TOGARAM2: variants seen among roughly 807,000 people sequenced by gnomAD.
The protein encoded by TOGARAM2 is TOG array regulator of axonemal microtubules 2, also known as TOG array regulator of axonemal microtubules protein 2.
Under a neutral mutation model 93.3 loss-of-function variants are expected in TOGARAM2, and 85 were observed. That is an observed-to-expected ratio of 0.91 (90% CI 0.76 to 1.09). The LOEUF (loss-of-function observed/expected upper bound fraction) is 1.09. Among genes scored for constraint, TOGARAM2 ranks in the 50% least tolerant of loss-of-function variants. The pLI, the probability that TOGARAM2 is intolerant of heterozygous loss-of-function variation, is 0.00. For synonymous variants in TOGARAM2, 593 were observed against 552.8 expected (o/e 1.07, Z -1.02); for missense variants, 1,277 against 1,334.5 (o/e 0.96, Z 0.67).
chr2:28,968,643 T>C (rs1339385041), intron 1 of TOGARAM2, among the ~76,000 whole-genome samples: 1 of 151,704 alleles, frequency 6.6e-6, no homozygotes, highest in African/African-American at 2.4e-5. Context: ...TCCGTCTCTA[T>C]TGAAAATACA....
chr2:28,972,498 A>T (rs1207995088), intron 1 of TOGARAM2: 1 of 152,258 alleles, frequency 6.6e-6, no homozygotes, highest in Non-Finnish European at 1.5e-5. Context: ...TAATGGAGAT[A>T]ACTCATCACC....
chr2:29,048,270 C>G (rs1024449820), intron 19 of TOGARAM2: 1 of 152,038 alleles, frequency 6.6e-6, no homozygotes, highest in African/African-American at 2.4e-5. Flanking sequence ...TCCCATGACA[C>G]GTAGGAATTG....
rs371387506 is a variant in TOGARAM2 at position 28,994,452 on chromosome 2, C to T, written c.-110-273C>T. On this transcript the variant is annotated intron_variant, in intron 1 of 19. Coordinates refer to ENST00000379558, the MANE Select transcript of TOGARAM2 (RefSeq NM_199280.4). ...CCTTGAAAAAAATCATCTTTCCCCG[C>T]GACCCTAAAGGTGTCCATGTCTCAG... Among the ~76,000 whole-genome samples the T allele has an allele frequency of 2.0e-4, 30 of 152,274 alleles. No homozygotes were observed. The East Asian group carries it at 2.3e-3, about 12-fold the overall frequency.
rs1398620191 is a variant in TOGARAM2, at chr2:29,014,526, C to T, written c.1009C>T (p.Leu337=). Residue 337 remains leucine (L), a synonymous_variant, in exon 8 of 20, where the codon CTG becomes TTG. Transcript: ENST00000379558. The part of the protein sequence containing the change: ...FDCAREACPP[L]KEEDQKEIGT... ...CTGTGCCAGAGAAGCCTGCCCTCCGCTGAAAGAAGAGGACCAGAAGGAGAT... is the reference window on the plus strand; with the variant it reads ...CTGTGCCAGAGAAGCCTGCCCTCCGTTGAAAGAAGAGGACCAGAAGGAGAT... The T allele has an allele frequency of 1.3e-6, 2 of 1,572,774 alleles. No individual in the cohort carries two copies. The highest frequency in any genetic ancestry group is 2.3e-5 in the East Asian group (1 of 42,638).
At chr2:28,993,874 G>A (rs903924062) in intron 1 of TOGARAM2, among the ~76,000 whole-genome samples, 10 of 152,250 alleles carry the variant, frequency 6.6e-5, no homozygotes, top group Non-Finnish European at 1.0e-4. Context: ...AAGGGAGTTG[G>A]CACAGGTTCC....
At position 28,959,675 on chromosome 2, in the gene TOGARAM2, G is replaced by A. The variant is rs1481656124; in HGVS notation, c.-147+2978G>A. ...GGCTGAGGCAGTGAACCTGGGAGGC[G>A]GAGCTTGCAGTGAGCTGAGATCGTG... On this transcript the variant is annotated intron_variant, in intron 1 of 6. Coordinates refer to the TOGARAM2 transcript ENST00000401723. Among the ~76,000 whole-genome samples, 16 of 152,176 alleles carry A rather than the reference G, an allele frequency of 1.1e-4. 3 individuals are homozygous for A. In the East Asian group the frequency reaches 1.2e-3, roughly 11 times the overall value.
In TOGARAM2 at chr2:29,033,557, A is replaced by G; in HGVS notation, c.2219A>G (p.Lys740Arg). ...GTGTGTGAGAACGGGCTGCCCATCA[A>G]GGAGGGGTATGGCTGCTCCTGTATC... is the stretch of plus-strand genomic sequence containing the variant. ...LVVCENGLPI[K>R]EGLSCNGPRL... Residue 740 changes from lysine to arginine, a missense_variant, in exon 16 of 20, where the codon AAG (lysine) becomes AGG (arginine). Lys to Arg is a conservative substitution (Grantham distance 26, BLOSUM62 2). Transcript: ENST00000379558. 6.2e-7 allele frequency: 1 copy of G among 1,613,204 alleles called. No individual in the cohort carries two copies. Among genetic ancestry groups the G allele is most frequent in the Non-Finnish European group, 8.5e-7 (1 of 1,179,642 alleles).
chr2:28,980,594 G>A (rs1225943310), upstream of TOGARAM2, among the ~76,000 whole-genome samples: 1 of 152,226 alleles, frequency 6.6e-6, no homozygotes, highest in East Asian at 1.9e-4. Context: ...TGTCATTCCA[G>A]AGAGAGGATG....
intron 6 of TOGARAM2, among the ~76,000 whole-genome samples, chr2:29,008,754 G>C (rs1664037381): frequency 6.6e-6 from 1 of 152,190 alleles, no homozygotes; most frequent in Non-Finnish European, 1.5e-5. Flanking sequence ...ACCGCACCTG[G>C]CCAGCCTATT....
At chr2:28,961,186 T>A (rs535324351) in intron 1 of TOGARAM2, among the ~76,000 whole-genome samples, 7 of 152,098 alleles carry the variant, frequency 4.6e-5, no homozygotes, top group African/African-American at 1.4e-4. Flanking sequence ...CATCACCAGC[T>A]AGAAGCTCCG....
intron 1 of TOGARAM2, among the ~76,000 whole-genome samples, chr2:28,972,003 A>G (rs1050920546): frequency 6.6e-6 from 1 of 152,214 alleles, no homozygotes; most frequent in African/African-American, 2.4e-5. Context: ...TCTATCCCTT[A>G]TTGGAACGTC....
intron 1 of TOGARAM2, chr2:28,970,813 C>T (rs1671939187): frequency 6.6e-6 from 1 of 152,220 alleles, no homozygotes; most frequent in Non-Finnish European, 1.5e-5. Flanking sequence ...CATTTGGCTA[C>T]TGACAGATAC....
At chr2:28,978,981 A>G (rs1672074608), upstream of TOGARAM2, among the ~76,000 whole-genome samples, 1 of 152,224 alleles carries the variant, frequency 6.6e-6, no homozygotes, top group Non-Finnish European at 1.5e-5. Context: ...AAAATTAAGT[A>G]TGAAAATATT....
intron 1 of TOGARAM2, among the ~76,000 whole-genome samples, chr2:28,957,792 G>C (rs1211725603): frequency 2.0e-5 from 3 of 152,168 alleles, no homozygotes; most frequent in African/African-American, 4.8e-5. Flanking sequence ...GGGTCTACAA[G>C]GGTGGGGAGG....
intron 1 of TOGARAM2, among the ~76,000 whole-genome samples, chr2:28,989,249 C>T (rs1364675262): frequency 4.6e-5 from 7 of 152,042 alleles, no homozygotes. Flanking sequence ...TGGGGTTTTG[C>T]CATGTTGGCC....
chr2:28,967,748 CA>C (rs1671886816), intron 1 of TOGARAM2, among the ~76,000 whole-genome samples: 1 of 145,368 alleles, frequency 6.9e-6, no homozygotes. Context: ...ATCTACAAAG[CA>C]AAGATAAGAG....
chr2:28,989,526 G>A (rs1672618665), intron 1 of TOGARAM2, among the ~76,000 whole-genome samples: 1 of 152,060 alleles, frequency 6.6e-6, no homozygotes, highest in African/African-American at 2.4e-5. Flanking sequence ...GCACCCCCAA[G>A]TAACTGAGAC....
rs780515412 is a variant in TOGARAM2 at position 29,033,564 on chromosome 2, G to C, written c.2225+1G>C. 3.0e-5 allele frequency: 48 copies of C among 1,612,320 alleles called. No homozygotes were observed. In the Admixed American group the frequency reaches 7.7e-4, roughly 26 times the overall value. On this transcript the variant is annotated splice_donor_variant, in intron 16 of 19. Coordinates refer to ENST00000379558, the MANE Select transcript of TOGARAM2 (RefSeq NM_199280.4). LOFTEE classifies it high-confidence loss of function. Reference sequence around the variant, plus strand: ...AGAACGGGCTGCCCATCAAGGAGGGGTATGGCTGCTCCTGTATCTCTGGGC... The same window carrying C: ...AGAACGGGCTGCCCATCAAGGAGGGCTATGGCTGCTCCTGTATCTCTGGGC...
At chr2:29,005,227 G>T (rs1269946010) in intron 6 of TOGARAM2, among the ~76,000 whole-genome samples, 3 of 149,162 alleles carry the variant, frequency 2.0e-5, no homozygotes, top group Non-Finnish European at 4.5e-5. Context: ...GTGCATGTGT[G>T]TATATGTGTG....
Sources: gnomAD v4.1 joint callset for allele counts (sites outside exome capture counted in the v4.1 genomes callset) on GRCh38, gnomAD v4.1.1 for gene constraint, MANE v1.5 for transcripts, NCBI Gene and HGNC (gene_info 2026-07-23, HGNC 2026-07-21) for gene names.